SLX4IP: variants seen among roughly 807,000 people sequenced by gnomAD.
SLX4IP encodes the protein protein SLX4IP.
In SLX4IP, 34 loss-of-function variants were observed where a neutral mutation model predicts 32.9. That is an observed-to-expected ratio of 1.03 (90% CI 0.79 to 1.38). The LOEUF is 1.38. Ranked by LOEUF, SLX4IP falls within the 40% of genes most tolerant of loss-of-function variation. The probability of loss-of-function intolerance (pLI) is 0.00; values close to 1 mark genes in which losing one functional copy is unlikely to be tolerated. For synonymous variants in SLX4IP, 172 were observed against 171.7 expected, an observed-to-expected ratio of 1.00 and a Z score of -0.01; for missense variants, 444 against 479.0, an observed-to-expected ratio of 0.93 and a Z score of 0.68.
At chr20:10,606,717 C>T (rs2066910472) in intron 6 of SLX4IP, among the ~76,000 whole-genome samples, 1 of 152,200 alleles carries the variant, frequency 6.6e-6, no homozygotes, top group Admixed American at 6.5e-5. Flanking sequence ...CAACCCTGAA[C>T]ACAAAGTCTC....
chr20:10,552,575 C>T (rs180797852), intron 2 of SLX4IP, among the ~76,000 whole-genome samples: 1 of 152,080 alleles, frequency 6.6e-6, no homozygotes, highest in Non-Finnish European at 1.5e-5. Context: ...GGACTGCCTG[C>T]CAAACAGTGG....
chr20:10,578,318 A>C lies in SLX4IP; in HGVS notation c.238+17498A>C, dbSNP rs151034839. On this transcript the variant is annotated intron_variant, in intron 4 of 7. Coordinates refer to ENST00000334534, the MANE Select transcript of SLX4IP (RefSeq NM_001009608.3). Reference sequence around the variant, plus strand: ...TTGCCTGTTCTGGACATTTCATACAAATAGAGTCATACACCATGTGGTTCT... The same window carrying C: ...TTGCCTGTTCTGGACATTTCATACACATAGAGTCATACACCATGTGGTTCT... Among the ~76,000 whole-genome samples the C allele has an allele frequency of 5.3e-5, 8 of 152,210 alleles. No homozygotes were observed. In the South Asian group the frequency reaches 1.7e-3, roughly 32 times the overall value.
intron 2 of SLX4IP, among the ~76,000 whole-genome samples, chr20:10,549,161 C>T (rs1326192210): frequency 2.6e-5 from 4 of 152,208 alleles, no homozygotes; most frequent in Non-Finnish European, 5.9e-5. Flanking sequence ...CTTCTACCCT[C>T]ACAGCTCTAC....
At chr20:10,478,327 T>C in intron 2 of SLX4IP, among the ~76,000 whole-genome samples, 1 of 152,214 alleles carries the variant, frequency 6.6e-6, no homozygotes, top group East Asian at 1.9e-4. Context: ...TTTTCCTGTT[T>C]AGTTCTCACA....
intron 1 of SLX4IP, among the ~76,000 whole-genome samples, chr20:10,446,127 A>G (rs1214968242): frequency 2.0e-5 from 3 of 151,570 alleles, no homozygotes; most frequent in Non-Finnish European, 4.4e-5. Flanking sequence ...TAAAGTTACT[A>G]TGATGGCCGG....
intron 2 of SLX4IP, among the ~76,000 whole-genome samples, chr20:10,519,504 G>A (rs1262141949): frequency 1.3e-5 from 2 of 152,148 alleles, no homozygotes; most frequent in Non-Finnish European, 2.9e-5. Flanking sequence ...CTTTCACTTA[G>A]CAAAATGTTT....
intron 2 of SLX4IP, among the ~76,000 whole-genome samples, chr20:10,527,503 C>T (rs1176154460): frequency 2.6e-5 from 4 of 152,176 alleles, no homozygotes; most frequent in Non-Finnish European, 5.9e-5. Context: ...AGCCCCTTTA[C>T]TTCTTTCTGT....
chr20:10,489,840 A>T (rs2065606267), intron 2 of SLX4IP, among the ~76,000 whole-genome samples: 1 of 152,232 alleles, frequency 6.6e-6, no homozygotes, highest in African/African-American at 2.4e-5. Context: ...GGTATTATTC[A>T]CACATTTAAT....
At chr20:10,459,625 G>T (rs1190458691) in intron 2 of SLX4IP, among the ~76,000 whole-genome samples, 2 of 152,196 alleles carry the variant, frequency 1.3e-5, no homozygotes, top group Non-Finnish European at 2.9e-5. Context: ...GCAGATAAAA[G>T]GTTGAAGCAA....
chr20:10,455,792 G>C (rs1201750671), intron 1 of SLX4IP, among the ~76,000 whole-genome samples: 4 of 151,902 alleles, frequency 2.6e-5, no homozygotes, highest in African/African-American at 9.7e-5. Flanking sequence ...TGTATTTTTA[G>C]TAGAGACAGG....
chr20:10,602,296 C>G, intron 6 of SLX4IP, among the ~76,000 whole-genome samples: 1 of 152,024 alleles, frequency 6.6e-6, no homozygotes, highest in East Asian at 1.9e-4. Flanking sequence ...CTCTCTCTCT[C>G]TCTCTCTCTC....
intron 6 of SLX4IP, among the ~76,000 whole-genome samples, chr20:10,618,940 T>TGGGGGGGTGGGGGGGGGGG (rs59862780): frequency 2.4e-5 from 1 of 41,752 alleles, no homozygotes; most frequent in Non-Finnish European, 4.9e-5. Context: ...GCTTGGGGGT[T>TGGGGGGGTGGGGGGGGGGG]GGGGGGGCGG....
chr20:10,451,820 T>G (rs2065244809), intron 1 of SLX4IP, among the ~76,000 whole-genome samples: 1 of 151,518 alleles, frequency 6.6e-6, no homozygotes, highest in Non-Finnish European at 1.5e-5. Context: ...TACAAAAAAT[T>G]AGTTGGGCAT....
At chr20:10,518,832 AG>A (rs2065881302) in intron 2 of SLX4IP, among the ~76,000 whole-genome samples, 1 of 152,070 alleles carries the variant, frequency 6.6e-6, no homozygotes, top group Non-Finnish European at 1.5e-5. Flanking sequence ...GGCCTCCCAA[AG>A]TGCTGGGATT....
chr20:10,524,597 A>AT (rs1031604869), intron 2 of SLX4IP, among the ~76,000 whole-genome samples: 2 of 152,202 alleles, frequency 1.3e-5, no homozygotes, highest in Admixed American at 6.5e-5. Context: ...AATAATTAAT[A>AT]TTTTTGTGAG....
chr20:10,435,893 G>A (rs1056490631), intron 1 of SLX4IP, among the ~76,000 whole-genome samples: 2 of 152,138 alleles, frequency 1.3e-5, no homozygotes, highest in African/African-American at 2.4e-5. Flanking sequence ...GGATTCAGGA[G>A]TTAGCTAAAA....
chr20:10,436,870 A>C (rs2122308423), intron 1 of SLX4IP, among the ~76,000 whole-genome samples: 1 of 152,036 alleles, frequency 6.6e-6, no homozygotes, highest in South Asian at 2.1e-4. Context: ...ATAACATCTG[A>C]AATGTAGGGT....
At chr20:10,536,640 G>A (rs760873310) in intron 2 of SLX4IP, among the ~76,000 whole-genome samples, 14 of 152,180 alleles carry the variant, frequency 9.2e-5, no homozygotes, top group Admixed American at 2.6e-4. Flanking sequence ...CCTGGCCACC[G>A]TTGCCCTCTT....
intron 2 of SLX4IP, among the ~76,000 whole-genome samples, chr20:10,488,632 A>G (rs1479831808): frequency 1.3e-5 from 2 of 152,188 alleles, no homozygotes; most frequent in Non-Finnish European, 2.9e-5. Context: ...TTTGTAAAAT[A>G]ACAGTATTGG....
Sources: gnomAD v4.1 joint callset for allele counts (sites outside exome capture counted in the v4.1 genomes callset) on GRCh38, gnomAD v4.1.1 for gene constraint, MANE v1.5 for transcripts, NCBI Gene and HGNC (gene_info 2026-07-23, HGNC 2026-07-21) for gene names.